Variants in EIF4G3 observed in about 807,000 individuals in gnomAD.
EIF4G3 encodes eukaryotic translation initiation factor 4 gamma 3.
A neutral mutation model predicts 186.4 loss-of-function variants in EIF4G3; 34 were observed. That is an observed-to-expected ratio of 0.18 (90% confidence interval 0.14 to 0.24). The LOEUF (loss-of-function observed/expected upper bound fraction) is 0.24, where lower values mean the gene tolerates loss of function less well. EIF4G3 is among the 10% of genes least tolerant of loss of function. EIF4G3 has a pLI of 1.00. For missense variants in EIF4G3, 1,536 were observed against 1,948.5 expected (o/e 0.79, Z 3.99); for synonymous variants, 673 against 679.5 (o/e 0.99, Z 0.15).
At chr1:21,115,172 A>G (rs2096794883) in intron 2 of EIF4G3, among the ~76,000 whole-genome samples, 1 of 152,166 alleles carries the variant, frequency 6.6e-6, no homozygotes, top group Non-Finnish European at 1.5e-5. Flanking sequence ...CTTGGCTAAC[A>G]CGTTCCTTGC....
intron 2 of EIF4G3, among the ~76,000 whole-genome samples, chr1:21,139,937 A>G (rs1217107084): frequency 2.0e-5 from 3 of 152,242 alleles, no homozygotes; most frequent in African/African-American, 7.2e-5. Context: ...CCCTAGAATT[A>G]TCCTGATTAA....
chr1:20,987,986 C>G (rs1175156266), intron 7 of EIF4G3, among the ~76,000 whole-genome samples: 2 of 152,190 alleles, frequency 1.3e-5, no homozygotes, highest in Non-Finnish European at 2.9e-5. Flanking sequence ...TAAAGCAAAA[C>G]AGCCTTATTG....
In EIF4G3 at chr1:20,806,633, T is replaced by C. The variant is rs2058157921; in HGVS notation, c.*686A>G. 1 of 152,376 alleles carries C rather than the reference T, an allele frequency of 6.6e-6. No homozygotes were observed. Among genetic ancestry groups the C allele is most frequent in the African/African-American group, 2.4e-5 (1 of 41,296 alleles). The allele number at this position is 152,376 out of a possible 1,614,324, so 9.4% of individuals were successfully genotyped here. A position where few individuals can be genotyped will look rare whatever the true frequency, so the allele number is the denominator to read the frequency against. The stretch of plus-strand genomic sequence containing the variant: ...CTAAAGATTTCAAGAGTATTAAGAG[T>C]ACTTTTCTCAGGGTAGCACTTTTTT... On this transcript the variant is annotated 3_prime_UTR_variant, in exon 37 of 37. Coordinates refer to ENST00000602326, the MANE Select transcript of EIF4G3 (RefSeq NM_001391906.1).
chr1:20,902,905 T>G (rs1355540863), intron 15 of EIF4G3, among the ~76,000 whole-genome samples: 2 of 152,222 alleles, frequency 1.3e-5, no homozygotes, highest in East Asian at 3.8e-4. Context: ...CCTACCAAAG[T>G]GCTAGAATTA....
intron 2 of EIF4G3, among the ~76,000 whole-genome samples, chr1:21,145,226 T>C (rs1039014367): frequency 2.0e-5 from 3 of 152,134 alleles, no homozygotes; most frequent in African/African-American, 7.2e-5. Context: ...AACTCTCTCA[T>C]ATAGACAAGG....
chr1:21,044,666 G>A (rs1243357908), intron 4 of EIF4G3, among the ~76,000 whole-genome samples: 9 of 119,000 alleles, frequency 7.6e-5, no homozygotes, highest in African/African-American at 3.0e-4. Flanking sequence ...TTTTTCCTTT[G>A]AGACAGGGTC....
chr1:21,011,961 A>G (rs568102260), intron 4 of EIF4G3, among the ~76,000 whole-genome samples: 2 of 152,304 alleles, frequency 1.3e-5, no homozygotes, highest in South Asian at 4.1e-4. Context: ...GCTTATACAC[A>G]TGGGTATGTG....
At chr1:20,897,668 T>G (rs778164159) in intron 16 of EIF4G3, among the ~76,000 whole-genome samples, 35 of 152,210 alleles carry the variant, frequency 2.3e-4, no homozygotes, top group Non-Finnish European at 3.4e-4. Flanking sequence ...TTTGAGAATA[T>G]TCCAAATGTT....
At chr1:21,043,117 T>A (rs6683542) in intron 4 of EIF4G3, among the ~76,000 whole-genome samples, 1 of 151,684 alleles carries the variant, frequency 6.6e-6, no homozygotes, top group African/African-American at 2.4e-5. Context: ...AGATGAGAGG[T>A]AGCCAGAGAA....
chr1:20,895,223 G>T, intron 17 of EIF4G3, 145 bp downstream of exon 17: 1 of 982,406 alleles, frequency 1.0e-6, no homozygotes, highest in Non-Finnish European at 1.4e-6. Flanking sequence ...ACAGTGTTTA[G>T]GGAAACAAAT....
At chr1:21,035,214 A>G (rs1201092526) in intron 4 of EIF4G3, among the ~76,000 whole-genome samples, 1 of 152,158 alleles carries the variant, frequency 6.6e-6, no homozygotes, top group Non-Finnish European at 1.5e-5. Context: ...CCAAAGGTTC[A>G]TTTGTGCAGG....
intron 17 of EIF4G3, among the ~76,000 whole-genome samples, chr1:20,894,780 T>G (rs1319356688): frequency 6.6e-6 from 1 of 152,190 alleles, no homozygotes; most frequent in Non-Finnish European, 1.5e-5. Context: ...CTGACTTTAC[T>G]CCTTTTAATT....
intron 13 of EIF4G3, among the ~76,000 whole-genome samples, chr1:20,942,816 G>A (rs2095774788): frequency 6.6e-6 from 1 of 151,906 alleles, no homozygotes; most frequent in Non-Finnish European, 1.5e-5. Context: ...TTTGTATTTG[G>A]GGAGATAATT....
intron 5 of EIF4G3, 97 bp downstream of exon 5, chr1:21,002,616 C>CA (rs2083821144): frequency 4.6e-6 from 6 of 1,301,890 alleles, no homozygotes; most frequent in African/African-American, 1.5e-5. Context: ...AACAAACTTC[C>CA]AAAATCCAGT....
At chr1:20,872,631 T>TA (rs1173975326) in intron 20 of EIF4G3, among the ~76,000 whole-genome samples, 1 of 151,424 alleles carries the variant, frequency 6.6e-6, no homozygotes, top group South Asian at 2.1e-4. Flanking sequence ...AAGCTCCACT[T>TA]AAATTTCCTT....
In EIF4G3 at chr1:21,009,507, T is replaced by C. The variant is rs1427798921; in HGVS notation, c.-66-6699A>G. Among the ~76,000 whole-genome samples, 5 of 151,826 alleles carry C rather than the reference T, an allele frequency of 3.3e-5. No individual in the cohort carries two copies. The East Asian group carries it at 7.8e-4, about 24-fold the overall frequency. ...CGTTCATTCTCATTAGTAGATATTA[T>C]AGGGTACAAATTAATTGAGAGAAAC... is the stretch of plus-strand genomic sequence containing the variant. On this transcript the variant is annotated intron_variant, in intron 4 of 36. Coordinates refer to ENST00000602326, the MANE Select transcript of EIF4G3 (RefSeq NM_001391906.1).
chr1:20,834,870 T>G (rs1235046688), intron 30 of EIF4G3, among the ~76,000 whole-genome samples: 2 of 152,176 alleles, frequency 1.3e-5, no homozygotes, highest in Admixed American at 1.3e-4. Flanking sequence ...TGAATTATAC[T>G]TTAAACCAAA....
chr1:21,076,068 T>C (rs2095580718), intron 3 of EIF4G3, among the ~76,000 whole-genome samples: 1 of 152,028 alleles, frequency 6.6e-6, no homozygotes, highest in South Asian at 2.1e-4. Flanking sequence ...AGCACACGGG[T>C]TCTCCAAAAT....
chr1:21,054,561 G>A (rs1356036892), intron 3 of EIF4G3, among the ~76,000 whole-genome samples: 1 of 151,914 alleles, frequency 6.6e-6, no homozygotes, highest in East Asian at 1.9e-4. Flanking sequence ...AATAACTAAT[G>A]GCAATTGTTG....
Sources: allele counts gnomAD v4.1 joint callset (sites outside exome capture counted in the v4.1 genomes callset), GRCh38; gene constraint gnomAD v4.1.1; transcripts MANE v1.5; gene names NCBI Gene and HGNC (gene_info 2026-07-23, HGNC 2026-07-21).